Variants in COL5A2 observed in about 807,000 individuals in gnomAD.
The protein encoded by COL5A2 is collagen type V alpha 2 chain, also known as collagen alpha-2(V) chain.
Under a neutral mutation model 208.2 loss-of-function variants are expected in COL5A2, and 23 were observed. That is an observed-to-expected ratio of 0.11 (90% CI 0.08 to 0.16). COL5A2 has a LOEUF of 0.16. COL5A2 is among the 10% of genes least tolerant of loss of function. The probability of loss-of-function intolerance (pLI) is 1.00; values close to 1 mark genes in which losing one functional copy is unlikely to be tolerated. For missense variants in COL5A2, 1,590 were observed against 1,956.4 expected (o/e 0.81, Z 3.53); for synonymous variants, 625 against 628.5 (o/e 0.99, Z 0.08).
intron 50 of COL5A2, 37 bp downstream of exon 50, chr2:189,041,549 A>C: frequency 1.4e-6 from 2 of 1,472,462 alleles, no homozygotes; most frequent in Non-Finnish European, 1.9e-6. Context: ...CTATTGAATA[A>C]ATAGCATTTC....
Position 189,104,297 on chromosome 2 carries a change from A to C in COL5A2, c.323-20T>G, listed in dbSNP as rs1314795434. The stretch of plus-strand genomic sequence containing the variant: ...CTCTACCTGTAAAAAGAAAAGAGTA[A>C]ATGTGTTATTTTATGAGGAAACAAT... On this transcript the variant is annotated intron_variant, in intron 2 of 53. Coordinates refer to ENST00000374866, the MANE Select transcript of COL5A2 (RefSeq NM_000393.5). 6.8e-7 allele frequency: 1 copy of C among 1,462,086 alleles called. No individual in the cohort carries two copies. Among genetic ancestry groups the C allele is most frequent in the East Asian group, 2.3e-5 (1 of 43,766 alleles). The allele number at this position is 1,462,086 out of a possible 1,614,324, so 90.6% of individuals were successfully genotyped here.
At chr2:189,179,767 C>CT (rs556475066), upstream of COL5A2, 1,196 of 1,234,128 alleles carry the variant, frequency 9.7e-4, 31 homozygotes, top group South Asian at 0.015. Flanking sequence ...TCTGCGAAAA[C>CT]TTTTTTCAAG....
intron 45 of COL5A2, among the ~76,000 whole-genome samples, chr2:189,046,507 ACTTG>A (rs1383174525): frequency 3.9e-5 from 6 of 152,166 alleles, no homozygotes; most frequent in African/African-American, 1.4e-4. Flanking sequence ...TGCATAGTTT[ACTTG>A]AGTATAAAGC....
At chr2:189,416,734 A>C in the COL5A2 span, among the ~76,000 whole-genome samples, 1 of 152,260 alleles carries the variant, frequency 6.6e-6, no homozygotes, top group African/African-American at 2.4e-5. Context: ...TTTTAAAAAA[A>C]TCCTTTTATA....
At chr2:189,050,479 C>G (rs1427804742) in intron 43 of COL5A2, 90 bp downstream of exon 43, 14 of 1,068,524 alleles carry the variant, frequency 1.3e-5, no homozygotes, top group East Asian at 1.0e-4. Context: ...CTGTTTAAAT[C>G]TATTCATCAA....
At chr2:189,315,449 A>G in the COL5A2 span, among the ~76,000 whole-genome samples, 1 of 152,218 alleles carries the variant, frequency 6.6e-6, no homozygotes, top group Admixed American at 6.5e-5. Flanking sequence ...AATAAGAACC[A>G]TATATGACAA....
At chr2:189,390,358 C>T in the COL5A2 span, among the ~76,000 whole-genome samples, 17 of 152,076 alleles carry the variant, frequency 1.1e-4, no homozygotes, top group Non-Finnish European at 7.4e-5. Context: ...AAAAAGAGGT[C>T]TAATAAATCT....
the COL5A2 span, among the ~76,000 whole-genome samples, chr2:189,355,962 G>A: frequency 6.6e-6 from 1 of 152,154 alleles, no homozygotes; most frequent in Non-Finnish European, 1.5e-5. Flanking sequence ...GCTCTTGTAA[G>A]GCAGGCCTGG....
upstream of COL5A2, among the ~76,000 whole-genome samples, chr2:189,227,144 G>C (rs1027328687): frequency 1.3e-5 from 2 of 152,066 alleles, no homozygotes; most frequent in African/African-American, 4.8e-5. Flanking sequence ...AGTTTACAAA[G>C]AGTGAGAGAG....
intron 2 of COL5A2, among the ~76,000 whole-genome samples, chr2:189,107,498 T>C (rs1687174435): frequency 6.6e-6 from 1 of 151,474 alleles, no homozygotes; most frequent in South Asian, 2.1e-4. Context: ...ATATTATTTC[T>C]ACTATATTTC....
chr2:189,175,905 C>T (rs1212631702), intron 1 of COL5A2, among the ~76,000 whole-genome samples: 1 of 152,160 alleles, frequency 6.6e-6, no homozygotes, highest in Non-Finnish European at 1.5e-5. Flanking sequence ...CATGTACCCA[C>T]TATAAAAGTC....
chr2:189,252,262 G>T, the COL5A2 span, among the ~76,000 whole-genome samples: 3 of 152,128 alleles, frequency 2.0e-5, no homozygotes, highest in Non-Finnish European at 2.9e-5. Context: ...CCATTACTGG[G>T]TATATACCCA....
rs543313440 is a variant in COL5A2 at position 189,078,839 on chromosome 2, G to A, written c.1005+224C>T. On this transcript the variant is annotated intron_variant, in intron 15 of 53. Coordinates refer to ENST00000374866, the MANE Select transcript of COL5A2 (RefSeq NM_000393.5). ...TCACTGAGTATAGAAAAAGAATAAGGGCATTCAACCGTTAAGAGAAACAGT... is the reference window on the plus strand; with the variant it reads ...TCACTGAGTATAGAAAAAGAATAAGAGCATTCAACCGTTAAGAGAAACAGT... Among the ~76,000 whole-genome samples, 12 of 152,168 alleles carry A rather than the reference G, an allele frequency of 7.9e-5. No individual in the cohort carries two copies. In the South Asian group the frequency reaches 1.7e-3, roughly 21 times the overall value.
At chr2:189,364,632 A>C in the COL5A2 span, among the ~76,000 whole-genome samples, 2 of 152,080 alleles carry the variant, frequency 1.3e-5, no homozygotes, top group Non-Finnish European at 2.9e-5. Context: ...TGCAGTAAAT[A>C]GAGATTGTGC....
the COL5A2 span, among the ~76,000 whole-genome samples, chr2:189,330,409 A>G: frequency 1.3e-5 from 2 of 152,338 alleles, no homozygotes; most frequent in Middle Eastern, 3.4e-3. Flanking sequence ...GAGACAGGGC[A>G]GGATAACTGA....
chr2:189,384,001 A>G, the COL5A2 span, among the ~76,000 whole-genome samples: 1 of 152,128 alleles, frequency 6.6e-6, no homozygotes, highest in African/African-American at 2.4e-5. Flanking sequence ...GAGTGAGAAC[A>G]TGCAATATTT....
chr2:189,065,175 G>T, intron 23 of COL5A2, 118 bp from the exon 24 acceptor site: 1 of 903,358 alleles, frequency 1.1e-6, no homozygotes, highest in Non-Finnish European at 1.8e-6. Context: ...AAGCCAACAT[G>T]GCTATAGATA....
At chr2:189,054,580 G>A (rs1157063383) in intron 35 of COL5A2, among the ~76,000 whole-genome samples, 1 of 151,950 alleles carries the variant, frequency 6.6e-6, no homozygotes, top group Non-Finnish European at 1.5e-5. Flanking sequence ...ATTGAAAAGA[G>A]GCTTTCCTTC....
chr2:189,440,377 G>T, the COL5A2 span, among the ~76,000 whole-genome samples: 3 of 152,190 alleles, frequency 2.0e-5, no homozygotes, highest in Non-Finnish European at 4.4e-5. Flanking sequence ...ACACACCTAG[G>T]CTGTACGTTA....
Sources: allele counts gnomAD v4.1 joint callset (sites outside exome capture counted in the v4.1 genomes callset), GRCh38; gene constraint gnomAD v4.1.1; transcripts MANE v1.5; gene names NCBI Gene and HGNC (gene_info 2026-07-23, HGNC 2026-07-21).